CCSER1: variants seen among roughly 807,000 people sequenced by gnomAD.
CCSER1 encodes the protein coiled-coil serine rich protein 1.
In CCSER1, 41 loss-of-function variants were observed where a neutral mutation model predicts 82.0. That is an observed-to-expected ratio of 0.50 (90% CI 0.39 to 0.65). CCSER1 has a LOEUF of 0.65. Among genes scored for constraint, CCSER1 ranks in the 30% least tolerant of loss-of-function variants. The pLI, the probability that CCSER1 is intolerant of heterozygous loss-of-function variation, is 0.00. For missense variants in CCSER1, 1,119 were observed against 1,064.2 expected (o/e 1.05, Z -0.72); for synonymous variants, 414 against 383.9 (o/e 1.08, Z -0.92).
intron 6 of CCSER1, among the ~76,000 whole-genome samples, chr4:90,714,547 T>A (rs1418150869): frequency 6.6e-6 from 1 of 151,940 alleles, no homozygotes; most frequent in Non-Finnish European, 1.5e-5. Context: ...CAGATCCCCC[T>A]ACATAGATAA....
At chr4:91,425,073 A>G (rs1216975233) in intron 10 of CCSER1, among the ~76,000 whole-genome samples, 1 of 151,846 alleles carries the variant, frequency 6.6e-6, no homozygotes, top group African/African-American at 2.4e-5. Flanking sequence ...TAAGCAATGT[A>G]TGGTTTATAT....
At chr4:90,585,361 C>G (rs1781883624) in intron 5 of CCSER1, among the ~76,000 whole-genome samples, 1 of 152,076 alleles carries the variant, frequency 6.6e-6, no homozygotes, top group Non-Finnish European at 1.5e-5. Context: ...AGTAAAACTC[C>G]CATGATTCAT....
At chr4:91,330,716 G>A (rs1278535255) in intron 10 of CCSER1, among the ~76,000 whole-genome samples, 1 of 152,082 alleles carries the variant, frequency 6.6e-6, no homozygotes, top group Admixed American at 6.6e-5. Context: ...CAGCTTTTAG[G>A]TACTTTACTT....
intron 5 of CCSER1, among the ~76,000 whole-genome samples, chr4:90,520,124 A>G (rs1257928478): frequency 6.6e-6 from 1 of 151,982 alleles, no homozygotes; most frequent in Non-Finnish European, 1.5e-5. Context: ...GTAACCTATG[A>G]TAACAGTGCT....
chr4:90,163,466 T>G (rs530431120), intron 1 of CCSER1, among the ~76,000 whole-genome samples: 3 of 152,282 alleles, frequency 2.0e-5, no homozygotes, highest in Admixed American at 6.5e-5. Context: ...ATCACGAAAT[T>G]TGTTAGTTTA....
chr4:91,527,438 T>G (rs1167475785), intron 10 of CCSER1, among the ~76,000 whole-genome samples: 1 of 152,166 alleles, frequency 6.6e-6, no homozygotes, highest in East Asian at 1.9e-4. Context: ...TTGTTACCAA[T>G]GCACAATATA....
intron 10 of CCSER1, among the ~76,000 whole-genome samples, chr4:91,131,855 C>T (rs1002054647): frequency 4.6e-5 from 7 of 151,906 alleles, no homozygotes; most frequent in East Asian, 1.9e-4. Flanking sequence ...GCACGTGACA[C>T]GGAGTTTGAT....
chr4:90,230,577 C>G (rs1467402584), intron 1 of CCSER1, among the ~76,000 whole-genome samples: 1 of 151,632 alleles, frequency 6.6e-6, no homozygotes, highest in Non-Finnish European at 1.5e-5. Flanking sequence ...AAAGCAAGAG[C>G]AAACACATTC....
intron 10 of CCSER1, among the ~76,000 whole-genome samples, chr4:91,494,273 C>T (rs568049351): frequency 1.2e-4 from 18 of 151,888 alleles, no homozygotes; most frequent in African/African-American, 4.1e-4. Flanking sequence ...CAAATGTGAA[C>T]TACTAGCAGT....
chr4:90,140,852 A>C (rs897199933), intron 1 of CCSER1, among the ~76,000 whole-genome samples: 7 of 151,252 alleles, frequency 4.6e-5, no homozygotes, highest in Admixed American at 2.6e-4. Flanking sequence ...TTTTTAGTAG[A>C]GATGGGGTTT....
intron 9 of CCSER1, among the ~76,000 whole-genome samples, chr4:90,946,585 C>T (rs1026853357): frequency 2.7e-5 from 4 of 148,432 alleles, no homozygotes; most frequent in Non-Finnish European, 5.9e-5. Context: ...GAGCCTAGAT[C>T]ATGCCACTGC....
intron 6 of CCSER1, among the ~76,000 whole-genome samples, chr4:90,699,695 C>A (rs116770598): frequency 6.6e-6 from 1 of 152,306 alleles, no homozygotes; most frequent in Non-Finnish European, 1.5e-5. Context: ...GCAGCTTCTG[C>A]CTTCTGCTGT....
intron 10 of CCSER1, among the ~76,000 whole-genome samples, chr4:91,238,793 C>T (rs1315702139): frequency 2.0e-5 from 3 of 151,904 alleles, no homozygotes; most frequent in African/African-American, 4.8e-5. Context: ...TTTGCATTTA[C>T]TCAGTATTAC....
rs375997127 is a variant in CCSER1 at position 90,810,832 on chromosome 4, C to CTTT, written c.2011-4914_2011-4912dup. On this transcript the variant is annotated intron_variant, in intron 7 of 10. Transcript: ENST00000509176. ...CTTTCTAGTGAAATAAAGAGTAATT[C>CTTT]TTTTTTTTTTTTTTTTTTGAGACGG... Among the ~76,000 whole-genome samples the CTTT allele has an allele frequency of 3.5e-3, 396 of 113,588 alleles. 24 individuals carry two copies. Among genetic ancestry groups the CTTT allele is most frequent in the African/African-American group, 0.011 (331 of 28,908 alleles). The allele number at this position is 113,588 out of a possible 152,430, so 74.5% of individuals were successfully genotyped here.
At chr4:91,333,350 T>C (rs1747089948) in intron 10 of CCSER1, among the ~76,000 whole-genome samples, 1 of 152,076 alleles carries the variant, frequency 6.6e-6, no homozygotes, top group Admixed American at 6.6e-5. Context: ...GAAACATTAT[T>C]CATTTGCAGT....
chr4:91,464,646 G>A (rs898146446), intron 10 of CCSER1, among the ~76,000 whole-genome samples: 22 of 152,078 alleles, frequency 1.4e-4, no homozygotes, highest in African/African-American at 5.3e-4. Flanking sequence ...TCAAAATAAA[G>A]GGATGGAGGA....
intron 9 of CCSER1, among the ~76,000 whole-genome samples, chr4:91,012,611 C>A (rs1346574913): frequency 6.6e-6 from 1 of 151,082 alleles, no homozygotes; most frequent in East Asian, 2.0e-4. Context: ...GGCCACTGGG[C>A]CAGGGTAGTT....
chr4:90,997,179 A>G (rs1364723241), intron 9 of CCSER1, among the ~76,000 whole-genome samples: 2 of 152,020 alleles, frequency 1.3e-5, no homozygotes, highest in African/African-American at 4.8e-5. Flanking sequence ...TTCCTTCTGG[A>G]GGTTGTAGGG....
intron 1 of CCSER1, among the ~76,000 whole-genome samples, chr4:90,255,948 C>G (rs1723210220): frequency 6.6e-6 from 1 of 152,130 alleles, no homozygotes; most frequent in Admixed American, 6.6e-5. Flanking sequence ...CTTATCTAAG[C>G]TAGCTAGTGA....
Sources: gnomAD v4.1 joint callset for allele counts (sites outside exome capture counted in the v4.1 genomes callset) on GRCh38, gnomAD v4.1.1 for gene constraint, MANE v1.5 for transcripts, NCBI Gene and HGNC (gene_info 2026-07-23, HGNC 2026-07-21) for gene names.